PRKN: variants seen among roughly 807,000 people sequenced by gnomAD.
The protein encoded by PRKN is parkin RBR E3 ubiquitin protein ligase, also known as E3 ubiquitin-protein ligase parkin.
In PRKN, 56 loss-of-function variants were observed where a neutral mutation model predicts 59.5. The observed-to-expected ratio is 0.94, with a 90% CI of 0.76 to 1.18. The LOEUF is 1.18. PRKN is among the 50% of genes most tolerant of loss of function. The pLI, the probability that PRKN is intolerant of heterozygous loss-of-function variation, is 0.00. For synonymous variants in PRKN, 250 were observed against 222.1 expected (o/e 1.13, Z -1.12); for missense variants, 657 against 596.4 (o/e 1.10, Z -1.06).
At chr6:162,130,908 T>C (rs962595330) in intron 4 of PRKN, among the ~76,000 whole-genome samples, 3 of 152,140 alleles carry the variant, frequency 2.0e-5, no homozygotes, top group Admixed American at 6.6e-5. Context: ...CCTCACCAAA[T>C]AGATGATATA....
chr6:162,252,476 C>T (rs1159285746), intron 3 of PRKN, among the ~76,000 whole-genome samples: 1 of 152,172 alleles, frequency 6.6e-6, no homozygotes, highest in Non-Finnish European at 1.5e-5. Flanking sequence ...CTGTTTCTGT[C>T]CCCAAATAAT....
At chr6:162,166,386 G>C (rs770053310) in intron 4 of PRKN, among the ~76,000 whole-genome samples, 1 of 152,182 alleles carries the variant, frequency 6.6e-6, no homozygotes, top group African/African-American at 2.4e-5. Flanking sequence ...GCTGGGTGGA[G>C]GGCTTGGAAC....
At chr6:161,424,766 A>C (rs1405789907) in intron 9 of PRKN, among the ~76,000 whole-genome samples, 4 of 152,156 alleles carry the variant, frequency 2.6e-5, no homozygotes, top group African/African-American at 7.2e-5. Flanking sequence ...GTGAGCAATC[A>C]AAGTATCAAA....
intron 5 of PRKN, among the ~76,000 whole-genome samples, chr6:162,053,838 T>C (rs1452533852): frequency 1.3e-5 from 2 of 152,182 alleles, no homozygotes; most frequent in Non-Finnish European, 2.9e-5. Flanking sequence ...AACTTTGCAA[T>C]GAGTTTAAAT....
At chr6:161,382,358 C>T (rs1412566726) in intron 10 of PRKN, among the ~76,000 whole-genome samples, 2 of 151,268 alleles carry the variant, frequency 1.3e-5, no homozygotes, top group African/African-American at 4.8e-5. Context: ...GGCACATTCC[C>T]CTCAGACACT....
intron 4 of PRKN, among the ~76,000 whole-genome samples, chr6:162,120,723 G>A (rs951130726): frequency 6.6e-5 from 10 of 152,104 alleles, no homozygotes; most frequent in Admixed American, 1.3e-4. Flanking sequence ...TGGTGTGAGC[G>A]ATATTAAACC....
Position 161,807,182 on chromosome 6 carries a change from T to C in PRKN, c.735-21274A>G, listed in dbSNP as rs184285991. Among the ~76,000 whole-genome samples the C allele has an allele frequency of 3.5e-4, 53 of 152,326 alleles. 2 individuals are homozygous for C. In the East Asian group the frequency reaches 9.8e-3, roughly 28 times the overall value. On this transcript the variant is annotated intron_variant, in intron 6 of 11. Coordinates refer to ENST00000366898, the MANE Select transcript of PRKN (RefSeq NM_004562.3). The stretch of plus-strand genomic sequence containing the variant: ...GCAATATTCTGTTGCTATAAATCCT[T>C]CAGTTACTAAACCATACGGAGATTT...
chr6:162,339,066 G>T (rs1161228583), intron 2 of PRKN, among the ~76,000 whole-genome samples: 1 of 146,374 alleles, frequency 6.8e-6, no homozygotes, highest in Non-Finnish European at 1.5e-5. Flanking sequence ...CAGCCGCCCC[G>T]TCTGAGAAGT....
intron 4 of PRKN, among the ~76,000 whole-genome samples, chr6:162,178,091 C>G (rs1783623990): frequency 6.6e-6 from 1 of 152,190 alleles, no homozygotes. Context: ...GGCTCTGAGT[C>G]TCTTTAGCCA....
At chr6:162,420,443 A>C (rs1316962370) in intron 2 of PRKN, among the ~76,000 whole-genome samples, 1 of 152,158 alleles carries the variant, frequency 6.6e-6, no homozygotes, top group Non-Finnish European at 1.5e-5. Context: ...TTCACATCTG[A>C]GCATGCATAA....
At chr6:162,660,176 A>AT (rs1009801038) in intron 1 of PRKN, among the ~76,000 whole-genome samples, 2 of 152,230 alleles carry the variant, frequency 1.3e-5, no homozygotes, top group African/African-American at 4.8e-5. Flanking sequence ...TAGTATAATC[A>AT]TTTTATTATA....
intron 7 of PRKN, among the ~76,000 whole-genome samples, chr6:161,759,340 T>C (rs6455769): frequency 0.86 from 130,507 of 152,054 alleles, 56,334 homozygotes; most frequent in East Asian, 0.97. Flanking sequence ...CTAGGTCAGT[T>C]GGTAGAATGC....
intron 3 of PRKN, among the ~76,000 whole-genome samples, chr6:162,253,604 T>C (rs1387559997): frequency 6.6e-6 from 1 of 152,182 alleles, no homozygotes; most frequent in Non-Finnish European, 1.5e-5. Context: ...TTGAAGTATG[T>C]TTCCTCACTA....
Position 161,787,955 on chromosome 6 carries a change from A to G in PRKN, c.735-2047T>C, listed in dbSNP as rs142972184. On this transcript the variant is annotated intron_variant, in intron 6 of 11. Transcript: ENST00000366898. ...GCTCTGCCTCAAAAACAAACAAACA[A>G]AAAAGCTTAGAAATGACCCTGTAGA... 2.5e-4 allele frequency among the ~76,000 whole-genome samples: 38 copies of G among 152,330 alleles called. 2 individuals are homozygous for G. In the East Asian group the frequency reaches 7.2e-3, roughly 29 times the overall value.
chr6:162,444,814 C>T (rs542528408), intron 1 of PRKN, among the ~76,000 whole-genome samples: 54 of 152,146 alleles, frequency 3.5e-4, no homozygotes, highest in Non-Finnish European at 3.7e-4. Flanking sequence ...GCTTAGGATG[C>T]TAGGGGTCAA....
At chr6:162,457,003 GA>G (rs1790907474) in intron 1 of PRKN, among the ~76,000 whole-genome samples, 2 of 152,172 alleles carry the variant, frequency 1.3e-5, no homozygotes, top group Non-Finnish European at 2.9e-5. Flanking sequence ...AGACCTCAAA[GA>G]GGGCATTTGT....
Position 162,495,466 on chromosome 6 carries a change from T to A in PRKN, c.8-51993A>T, listed in dbSNP as rs1301582394. ...CTGGGGGAGGGAGGTGAGACCTGAATGCCAAGAGCTTGGGGAACCATTGTT... is the reference window on the plus strand; with the variant it reads ...CTGGGGGAGGGAGGTGAGACCTGAAAGCCAAGAGCTTGGGGAACCATTGTT... On this transcript the variant is annotated intron_variant, in intron 1 of 11. Transcript: ENST00000366898. Among the ~76,000 whole-genome samples, 4 of 152,228 alleles carry A rather than the reference T, an allele frequency of 2.6e-5. 1 individual carries two copies. In the South Asian group the frequency reaches 8.3e-4, roughly 32 times the overall value.
At position 162,611,923 on chromosome 6, in the gene PRKN, C is replaced by G. The variant is rs185519524; in HGVS notation, c.7+115739G>C. On this transcript the variant is annotated intron_variant, in intron 1 of 11. Transcript: ENST00000366898. ...TGATACAGCGGGGCGTGGTGGCTCA[C>G]GCCTGTAATCCCAGCACTTTGGGAG... 5.8e-3 allele frequency among the ~76,000 whole-genome samples: 886 copies of G among 152,072 alleles called. 7 individuals are homozygous for G. The highest frequency in any genetic ancestry group is 0.02 in the African/African-American group (847 of 41,492).
At chr6:161,881,365 A>C (rs1355432061) in intron 6 of PRKN, among the ~76,000 whole-genome samples, 2 of 152,172 alleles carry the variant, frequency 1.3e-5, no homozygotes, top group Non-Finnish European at 2.9e-5. Flanking sequence ...TTATGTGTAA[A>C]CTACAAGCGT....
Sources: gnomAD v4.1 joint callset for allele counts (sites outside exome capture counted in the v4.1 genomes callset) on GRCh38, gnomAD v4.1.1 for gene constraint, MANE v1.5 for transcripts, NCBI Gene and HGNC (gene_info 2026-07-23, HGNC 2026-07-21) for gene names.